Variants in A1CF observed in about 807,000 individuals in gnomAD.
A1CF encodes APOBEC-1 stimulating protein.
In A1CF, 48 loss-of-function variants were observed where a neutral mutation model predicts 68.9. The observed-to-expected ratio is 0.70, with a 90% CI of 0.55 to 0.89. A1CF has a LOEUF of 0.89. A1CF is among the 40% of genes least tolerant of loss of function. The pLI is 0.00. For synonymous variants in A1CF, 272 were observed against 260.4 expected (o/e 1.04, Z -0.43); for missense variants, 653 against 718.9 (o/e 0.91, Z 1.05).
chr10:50,852,663 AG>A (rs2132497611), intron 3 of A1CF, among the ~76,000 whole-genome samples: 1 of 152,298 alleles, frequency 6.6e-6, no homozygotes, highest in Admixed American at 6.5e-5. Flanking sequence ...AGTAGGACCC[AG>A]GAGCTATATT....
chr10:50,810,910 C>G, intron 11 of A1CF, 130 bp downstream of exon 11: 1 of 1,102,220 alleles, frequency 9.1e-7, no homozygotes, highest in East Asian at 2.7e-5. Context: ...CTACACATCT[C>G]AATATTTGCA....
chr10:50,830,333 A>T lies in A1CF; in HGVS notation c.605-2038T>A, dbSNP rs139710507. Among the ~76,000 whole-genome samples the T allele has an allele frequency of 5.9e-5, 9 of 152,272 alleles. No individual in the cohort carries two copies. The East Asian group carries it at 1.7e-3, about 29-fold the overall frequency. On this transcript the variant is annotated intron_variant, in intron 6 of 12. Transcript: ENST00000373997. ...AATATAATGTCCTCCAGTTTCATCC[A>T]TGTTGTTGCAAATGACAGAATTTCC...
chr10:50,881,760 T>G (rs1321052905), intron 1 of A1CF, among the ~76,000 whole-genome samples: 1 of 152,218 alleles, frequency 6.6e-6, no homozygotes, highest in Admixed American at 6.5e-5. Flanking sequence ...GTGTTAATTC[T>G]CTTTAGTCAT....
intron 10 of A1CF, among the ~76,000 whole-genome samples, chr10:50,813,246 A>C (rs1838205980): frequency 6.6e-6 from 1 of 152,148 alleles, no homozygotes; most frequent in African/African-American, 2.4e-5. Flanking sequence ...ATAGCTTTTA[A>C]TTTTCCAATA....
chr10:50,849,786 CT>C (rs71949925), intron 3 of A1CF, among the ~76,000 whole-genome samples: 146 of 83,656 alleles, frequency 1.7e-3, no homozygotes, highest in African/African-American at 5.5e-3. Context: ...TTAATGAATT[CT>C]TTTTTTTTTT....
At chr10:50,852,246 C>G (rs1840280600) in intron 3 of A1CF, among the ~76,000 whole-genome samples, 1 of 152,192 alleles carries the variant, frequency 6.6e-6, no homozygotes, top group African/African-American at 2.4e-5. Flanking sequence ...AGTCAACACC[C>G]TATGAGGCTA....
intron 3 of A1CF, among the ~76,000 whole-genome samples, chr10:50,854,616 C>T (rs190426295): frequency 6.6e-6 from 1 of 151,962 alleles, no homozygotes; most frequent in East Asian, 1.9e-4. Flanking sequence ...TCATTTGAGG[C>T]TGCCTTATGT....
intron 7 of A1CF, chr10:50,824,613 C>A (rs1388797955): frequency 6.6e-6 from 1 of 152,160 alleles, no homozygotes; most frequent in Non-Finnish European, 1.5e-5. Context: ...TCCATGCACA[C>A]ATCATACTTG....
intron 12 of A1CF, among the ~76,000 whole-genome samples, chr10:50,809,522 C>T (rs1213202092): frequency 6.6e-6 from 1 of 152,010 alleles, no homozygotes; most frequent in East Asian, 1.9e-4. Flanking sequence ...TATAACGCTT[C>T]CTGACCATTT....
intron 1 of A1CF, among the ~76,000 whole-genome samples, chr10:50,868,385 T>C (rs1472637180): frequency 6.6e-6 from 1 of 152,182 alleles, no homozygotes; most frequent in Non-Finnish European, 1.5e-5. Context: ...TGATCTTAAG[T>C]CTATTTTGGA....
chr10:50,836,120 A>G lies in A1CF; in HGVS notation c.558T>C (p.Tyr186=). 6.2e-7 allele frequency: 1 copy of G among 1,613,946 alleles called. No homozygotes were observed. Among genetic ancestry groups the G allele is most frequent in the Non-Finnish European group, 8.5e-7 (1 of 1,179,862 alleles). Residue 186 remains tyrosine (Y), a synonymous_variant, in exon 6 of 13, where the codon TAT becomes TAC. Transcript: ENST00000373997. ...CCATGGCAGCTGCTCGATGACTCTCATACTCCACGAAGGCAAAGCCTCGGT... is the reference window on the plus strand; with the variant it reads ...CCATGGCAGCTGCTCGATGACTCTCGTACTCCACGAAGGCAAAGCCTCGGT... ...TKNRGFAFVE[Y]ESHRAAAMAR... is the part of the protein sequence containing the mutation.
At chr10:50,859,717 A>C (rs1289641245) in intron 3 of A1CF, 125 bp downstream of exon 3, 5 of 758,502 alleles carry the variant, frequency 6.6e-6, no homozygotes, top group African/African-American at 1.8e-5. Context: ...CTTCTCTTTT[A>C]GAAAGGGACA....
At chr10:50,836,042 G>C in intron 6 of A1CF, 32 bp downstream of exon 6, 1 of 1,543,006 alleles carries the variant, frequency 6.5e-7, no homozygotes, top group Non-Finnish European at 8.8e-7. Context: ...GATAGGCAGA[G>C]AAGTCTCATC....
chr10:50,882,160 G>A (rs894218681), intron 1 of A1CF, among the ~76,000 whole-genome samples: 12 of 152,246 alleles, frequency 7.9e-5, no homozygotes, highest in African/African-American at 1.4e-4. Context: ...AACCTAGACC[G>A]GGCATGTTGG....
chr10:50,853,750 AT>A (rs11344383), intron 3 of A1CF, among the ~76,000 whole-genome samples: 87,895 of 141,326 alleles, frequency 0.62, 27,045 homozygotes, highest in Non-Finnish European at 0.67. Context: ...GGAGTCAGCA[AT>A]TTTTTTTTTT....
intron 5 of A1CF, among the ~76,000 whole-genome samples, chr10:50,838,960 C>T (rs1313007600): frequency 1.3e-5 from 2 of 152,084 alleles, no homozygotes; most frequent in African/African-American, 4.8e-5. Flanking sequence ...CTTTTCTTTT[C>T]CCTTCTCCTC....
intron 5 of A1CF, among the ~76,000 whole-genome samples, chr10:50,838,545 G>T (rs1366810664): frequency 5.3e-5 from 8 of 152,124 alleles, no homozygotes; most frequent in Non-Finnish European, 7.3e-5. Flanking sequence ...GGTTTGTCAG[G>T]CACCTTTCCC....
intron 6 of A1CF, among the ~76,000 whole-genome samples, chr10:50,831,605 G>C (rs1227493485): frequency 6.6e-6 from 1 of 152,130 alleles, no homozygotes; most frequent in Admixed American, 6.5e-5. Context: ...GCACATGCCT[G>C]TAATCCCAGC....
At chr10:50,818,078 G>A (rs555753692) in intron 8 of A1CF, among the ~76,000 whole-genome samples, 26 of 152,036 alleles carry the variant, frequency 1.7e-4, no homozygotes, top group Admixed American at 3.9e-4. Context: ...CAGTTCCTGC[G>A]TCCTTTGAAT....
Sources: gnomAD v4.1 joint callset for allele counts (sites outside exome capture counted in the v4.1 genomes callset) on GRCh38, gnomAD v4.1.1 for gene constraint, MANE v1.5 for transcripts, NCBI Gene and HGNC (gene_info 2026-07-23, HGNC 2026-07-21) for gene names.